The following FSTL4 variants were observed in gnomAD, a reference collection of about 807,000 sequenced individuals.
FSTL4 encodes follistatin like 4, also known as follistatin-related protein 4.
Under a neutral mutation model 78.2 loss-of-function variants are expected in FSTL4, and 28 were observed. The observed-to-expected ratio is 0.36, with a 90% CI of 0.27 to 0.49. The LOEUF is 0.49. Among genes scored for constraint, FSTL4 ranks in the 20% least tolerant of loss-of-function variants. The pLI, the probability that FSTL4 is intolerant of heterozygous loss-of-function variation, is 0.98. For synonymous variants in FSTL4, 422 were observed against 440.5 expected, an observed-to-expected ratio of 0.96 and a Z score of 0.53; for missense variants, 922 against 1,084.9, an observed-to-expected ratio of 0.85 and a Z score of 2.11.
intron 8 of FSTL4, among the ~76,000 whole-genome samples, chr5:133,228,388 A>G (rs1259379782): frequency 1.3e-5 from 2 of 152,220 alleles, no homozygotes; most frequent in Non-Finnish European, 2.9e-5. Context: ...AATAATCCCT[A>G]GAGCATGGAA....
chr5:133,424,032 C>T (rs1319572445), intron 3 of FSTL4, among the ~76,000 whole-genome samples: 1 of 152,164 alleles, frequency 6.6e-6, no homozygotes, highest in East Asian at 1.9e-4. Context: ...ACCCGCAGAC[C>T]AGCAGGGCCG....
the FSTL4 span, among the ~76,000 whole-genome samples, chr5:133,671,325 T>TTTGCTAC: frequency 2.0e-5 from 3 of 152,142 alleles, no homozygotes; most frequent in African/African-American, 7.2e-5. Flanking sequence ...AAGTTTGGTA[T>TTTGCTAC]GGTTTGCTAC....
intron 4 of FSTL4, among the ~76,000 whole-genome samples, chr5:133,396,719 T>C (rs1756057536): frequency 6.6e-6 from 1 of 151,962 alleles, no homozygotes. Flanking sequence ...AGCAACAAAA[T>C]AACAAGAAGA....
At chr5:133,822,054 A>G in the FSTL4 span, among the ~76,000 whole-genome samples, 2 of 152,240 alleles carry the variant, frequency 1.3e-5, no homozygotes, top group Non-Finnish European at 2.9e-5. Context: ...CTTGCCTCCA[A>G]GACTCTGCAT....
At chr5:133,404,376 A>G (rs940971711) in intron 3 of FSTL4, among the ~76,000 whole-genome samples, 6 of 152,256 alleles carry the variant, frequency 3.9e-5, no homozygotes, top group South Asian at 2.1e-4. Context: ...AACTGCCTAT[A>G]GTATTTATGA....
chr5:133,620,031 T>A, the FSTL4 span, among the ~76,000 whole-genome samples: 2 of 152,190 alleles, frequency 1.3e-5, no homozygotes, highest in African/African-American at 4.8e-5. Context: ...TCTATTTAAT[T>A]AAATGAAATA....
chr5:133,675,992 T>C, the FSTL4 span, among the ~76,000 whole-genome samples: 5 of 152,134 alleles, frequency 3.3e-5, no homozygotes, highest in Admixed American at 1.3e-4. Context: ...CTCTGCCACC[T>C]AGACACAGGC....
chr5:133,490,306 T>A (rs1425566488), intron 3 of FSTL4, among the ~76,000 whole-genome samples: 1 of 152,174 alleles, frequency 6.6e-6, no homozygotes, highest in African/African-American at 2.4e-5. Context: ...ATAATTCACA[T>A]AGAACAGTCT....
intron 4 of FSTL4, among the ~76,000 whole-genome samples, chr5:133,330,849 G>A (rs568276840): frequency 1.3e-5 from 2 of 152,182 alleles, no homozygotes; most frequent in Non-Finnish European, 1.5e-5. Context: ...ACACTCCCAG[G>A]TACTGTGATT....
chr5:133,757,377 A>G, the FSTL4 span, among the ~76,000 whole-genome samples: 5 of 152,298 alleles, frequency 3.3e-5, no homozygotes, highest in African/African-American at 9.6e-5. Context: ...CCTGCAGTGC[A>G]TCTCAGTTTG....
At chr5:133,488,159 G>A (rs865901735) in intron 3 of FSTL4, among the ~76,000 whole-genome samples, 10 of 152,092 alleles carry the variant, frequency 6.6e-5, no homozygotes, top group South Asian at 6.2e-4. Context: ...TTTTTAACTG[G>A]CATTTTATAA....
chr5:133,641,803 CTCCTCCTCT>C, the FSTL4 span, among the ~76,000 whole-genome samples: 1 of 151,870 alleles, frequency 6.6e-6, no homozygotes, highest in Non-Finnish European at 1.5e-5. Flanking sequence ...TCTTCTTTTT[CTCCTCCTCT>C]TCCTCCTCCT....
At chr5:133,209,815 C>T (rs1208176207) in intron 14 of FSTL4, 2 of 192,992 alleles carry the variant, frequency 1.0e-5, no homozygotes, top group Admixed American at 5.5e-5. Context: ...GCTGCTTCTC[C>T]TTCTTCATTG....
At chr5:133,801,371 C>T in the FSTL4 span, among the ~76,000 whole-genome samples, 1 of 152,226 alleles carries the variant, frequency 6.6e-6, no homozygotes, top group Non-Finnish European at 1.5e-5. Context: ...ACCACCATCT[C>T]CCCAGGCCAC....
At chr5:133,410,403 C>T (rs762266612) in intron 3 of FSTL4, among the ~76,000 whole-genome samples, 1 of 152,216 alleles carries the variant, frequency 6.6e-6, no homozygotes, top group Non-Finnish European at 1.5e-5. Context: ...TGCTGCTCTC[C>T]ACGGTCTGCA....
intron 4 of FSTL4, among the ~76,000 whole-genome samples, chr5:133,339,945 G>C (rs1754547183): frequency 6.6e-6 from 1 of 152,196 alleles, no homozygotes; most frequent in South Asian, 2.1e-4. Context: ...GTGTGAAAAA[G>C]TATGGGGATT....
chr5:133,809,365 CAAAAAA>C, the FSTL4 span, among the ~76,000 whole-genome samples: 2 of 72,340 alleles, frequency 2.8e-5, no homozygotes, highest in African/African-American at 1.0e-4. Context: ...GACACTGTCT[CAAAAAA>C]AAAAAAAAAA....
At chr5:133,680,677 C>A in the FSTL4 span, among the ~76,000 whole-genome samples, 1 of 152,174 alleles carries the variant, frequency 6.6e-6, no homozygotes. Flanking sequence ...CCCCATGAGA[C>A]AAGGCTCTTC....
intron 6 of FSTL4, among the ~76,000 whole-genome samples, chr5:133,263,820 A>G (rs746702128): frequency 3.4e-4 from 52 of 152,088 alleles, no homozygotes; most frequent in Non-Finnish European, 1.8e-4. Context: ...AGAAGGGAGA[A>G]TTTCAGAAGA....
Sources: allele counts gnomAD v4.1 joint callset (sites outside exome capture counted in the v4.1 genomes callset), GRCh38; gene constraint gnomAD v4.1.1; transcripts MANE v1.5; gene names NCBI Gene and HGNC (gene_info 2026-07-23, HGNC 2026-07-21).